The following DTNA variants were observed in gnomAD, a reference collection of about 807,000 sequenced individuals.
The protein encoded by DTNA is dystrobrevin alpha, also known as dystrophin-related protein 3.
A neutral mutation model predicts 100.7 loss-of-function variants in DTNA; 43 were observed. That is an observed-to-expected ratio of 0.43 (90% CI 0.33 to 0.55). The LOEUF (loss-of-function observed/expected upper bound fraction) is 0.55, where lower values mean the gene tolerates loss of function less well. DTNA is among the 20% of genes least tolerant of loss of function. The pLI, the probability that DTNA is intolerant of heterozygous loss-of-function variation, is 0.04. For synonymous variants in DTNA, 349 were observed against 347.9 expected, an observed-to-expected ratio of 1.00 and a Z score of -0.04; for missense variants, 798 against 953.9, an observed-to-expected ratio of 0.84 and a Z score of 2.15.
At chr18:34,828,266 A>G (rs1454052834) in intron 10 of DTNA, among the ~76,000 whole-genome samples, 2 of 152,196 alleles carry the variant, frequency 1.3e-5, no homozygotes, top group Non-Finnish European at 2.9e-5. Flanking sequence ...AGGAGAAGCA[A>G]ATATTTCTCT....
intron 14 of DTNA, among the ~76,000 whole-genome samples, chr18:34,848,830 A>G (rs2096428231): frequency 6.6e-6 from 1 of 152,188 alleles, no homozygotes; most frequent in Non-Finnish European, 1.5e-5. Context: ...GACAAAAGCA[A>G]CTGTCAGCTC....
intron 11 of DTNA, 77 bp downstream of exon 11, chr18:34,829,566 C>G: frequency 7.4e-7 from 1 of 1,346,014 alleles, no homozygotes; most frequent in Non-Finnish European, 9.8e-7. Context: ...TACTCTGGCA[C>G]TAAAATCCTC....
chr18:34,718,741 G>T (rs2084604617), intron 1 of DTNA, among the ~76,000 whole-genome samples: 1 of 152,186 alleles, frequency 6.6e-6, no homozygotes, highest in Admixed American at 6.5e-5. Context: ...ATGGGCATTA[G>T]TCTGACTGTA....
intron 11 of DTNA, among the ~76,000 whole-genome samples, chr18:34,832,356 C>G (rs1445621283): frequency 6.6e-6 from 1 of 152,070 alleles, no homozygotes; most frequent in Non-Finnish European, 1.5e-5. Context: ...TATGTTAGAT[C>G]TTTCCAAACT....
intron 1 of DTNA, among the ~76,000 whole-genome samples, chr18:34,686,164 T>C (rs557128528): frequency 1.3e-5 from 2 of 152,326 alleles, no homozygotes; most frequent in South Asian, 2.1e-4. Flanking sequence ...GGCCAGGACT[T>C]CCAATACTGT....
intron 1 of DTNA, among the ~76,000 whole-genome samples, chr18:34,645,222 G>A (rs977588984): frequency 1.5e-4 from 23 of 152,226 alleles, no homozygotes; most frequent in African/African-American, 5.5e-4. Context: ...TTTCATGCTA[G>A]GTGGAGGACT....
chr18:34,516,079 C>T (rs1256676744), intron 1 of DTNA, among the ~76,000 whole-genome samples: 2 of 152,006 alleles, frequency 1.3e-5, no homozygotes, highest in Non-Finnish European at 2.9e-5. Context: ...GGGAACCACC[C>T]CCAATAATTC....
At chr18:34,615,531 A>T (rs2055091244) in intron 1 of DTNA, among the ~76,000 whole-genome samples, 1 of 152,322 alleles carries the variant, frequency 6.6e-6, no homozygotes, top group East Asian at 1.9e-4. Context: ...AAAGGCTTAG[A>T]TGATTGTCGG....
chr18:34,887,633 G>A (rs1218232005), intron 22 of DTNA, 133 bp from the exon 23 acceptor site: 1 of 580,176 alleles, frequency 1.7e-6, no homozygotes, highest in East Asian at 1.4e-4. Context: ...AAAGGAGTGT[G>A]TGTGTGCATG....
intron 1 of DTNA, among the ~76,000 whole-genome samples, chr18:34,528,313 A>G (rs1049777771): frequency 1.3e-5 from 2 of 152,104 alleles, no homozygotes; most frequent in African/African-American, 4.8e-5. Flanking sequence ...TTGTTCCATT[A>G]AAAATTCTAG....
intron 1 of DTNA, among the ~76,000 whole-genome samples, chr18:34,703,947 G>A (rs542090367): frequency 1.2e-4 from 18 of 152,168 alleles, no homozygotes; most frequent in African/African-American, 4.3e-4. Context: ...AACCACATAT[G>A]CTTCTCTTTT....
chr18:34,735,127 G>T (rs1201277765), intron 1 of DTNA, among the ~76,000 whole-genome samples: 2 of 152,054 alleles, frequency 1.3e-5, no homozygotes, highest in African/African-American at 4.8e-5. Flanking sequence ...GCCAGTCCAA[G>T]TCCCAAAACT....
At chr18:34,879,403 T>C in intron 19 of DTNA, 148 bp from the exon 20 acceptor site, 1 of 794,948 alleles carries the variant, frequency 1.3e-6, no homozygotes, top group Non-Finnish European at 2.0e-6. Context: ...ATTCTTATTT[T>C]GAAACAATAA....
intron 21 of DTNA, among the ~76,000 whole-genome samples, chr18:34,883,872 G>T (rs571632133): frequency 1.3e-5 from 2 of 152,244 alleles, no homozygotes; most frequent in South Asian, 4.2e-4. Flanking sequence ...CTAAAATGTT[G>T]GTCTAGCCAT....
chr18:34,801,231 A>G (rs917945284), intron 4 of DTNA, among the ~76,000 whole-genome samples: 38 of 152,306 alleles, frequency 2.5e-4, no homozygotes, highest in African/African-American at 9.1e-4. Flanking sequence ...GATAATTTGC[A>G]TATATTAGCC....
chr18:34,589,301 A>G (rs187132275), intron 1 of DTNA, among the ~76,000 whole-genome samples: 69 of 152,228 alleles, frequency 4.5e-4, no homozygotes, highest in African/African-American at 1.4e-3. Flanking sequence ...GTTGTTTCCT[A>G]TAGTTACTTT....
Position 34,882,187 on chromosome 18 carries a change from G to T in DTNA, c.2281G>T (p.Asp761Tyr), listed in dbSNP as rs1247356709. The change falls in exon 21 of 23, where the codon GAT (aspartate) becomes TAT (tyrosine). Residue 761 changes from aspartate to tyrosine, a missense_variant. Asp to Tyr is a radical substitution (Grantham distance 160). Around this residue, in one of 6 missense-constraint regions of DTNA, gnomAD observed 242 missense variants for 238.2 expected, o/e 1.02. Transcript: ENST00000444659. ...GGAATACCTGAAACAGAAGCTGCAA[G>T]ATGAAGCTTATCAGGTACAGGGATC... ...MEEYLKQKLQ[D>Y]EAYQVSLQG 6.2e-7 allele frequency: 1 copy of T among 1,613,922 alleles called. No individual in the cohort carries two copies. The highest frequency in any genetic ancestry group is 8.5e-7 in the Non-Finnish European group (1 of 1,179,958).
At chr18:34,820,143 T>G (rs371434800) in intron 8 of DTNA, among the ~76,000 whole-genome samples, 2 of 152,114 alleles carry the variant, frequency 1.3e-5, no homozygotes, top group South Asian at 4.2e-4. Context: ...TAACCTGAAT[T>G]TTAAATTCTG....
At chr18:34,559,856 AT>A (rs747322786) in intron 1 of DTNA, among the ~76,000 whole-genome samples, 3 of 152,190 alleles carry the variant, frequency 2.0e-5, no homozygotes, top group Non-Finnish European at 4.4e-5. Flanking sequence ...CTGTCATCCT[AT>A]ACATTGTACC....
Sources: allele counts gnomAD v4.1 joint callset (sites outside exome capture counted in the v4.1 genomes callset), GRCh38; gene constraint gnomAD v4.1.1; regional missense constraint gnomAD v4.1.1; transcripts MANE v1.5; gene names NCBI Gene and HGNC (gene_info 2026-07-23, HGNC 2026-07-21).